The following SMIM36 variants were observed in gnomAD, a reference collection of about 807,000 sequenced individuals.
The protein encoded by SMIM36 is small integral membrane protein 36.
At chr17:55,459,101 C>T (rs921249625) in intron 4 of SMIM36, among the ~76,000 whole-genome samples, 7 of 152,284 alleles carry the variant, frequency 4.6e-5, no homozygotes, top group African/African-American at 9.6e-5. Flanking sequence ...GCCATGGGGT[C>T]GGAGCCCCAC....
At chr17:55,501,366 TATATTATATATTATAGA>T (rs1185641561) in intron 1 of SMIM36, among the ~76,000 whole-genome samples, 2 of 82,948 alleles carry the variant, frequency 2.4e-5, no homozygotes, top group African/African-American at 1.1e-4. Context: ...TAATATATAA[TATATTATATATTATAGA>T]ATATAATATA....
At chr17:55,454,666 AGT>A (rs968739200) in intron 4 of SMIM36, among the ~76,000 whole-genome samples, 4 of 152,252 alleles carry the variant, frequency 2.6e-5, no homozygotes, top group African/African-American at 9.6e-5. Context: ...GCTTTAAAAA[AGT>A]GTGTTATGGG....
At position 55,507,740 on chromosome 17, in the gene SMIM36, A is replaced by G. The variant is rs186707543; in HGVS notation, c.*174+3139T>C. 2.3e-3 allele frequency among the ~76,000 whole-genome samples: 351 copies of G among 151,914 alleles called. 1 individual carries two copies. Among genetic ancestry groups the G allele is most frequent in the African/African-American group, 8.0e-3 (330 of 41,412 alleles). On this transcript the variant is annotated intron_variant, in intron 1 of 4. Coordinates refer to ENST00000636752, the Ensembl canonical transcript of SMIM36. ...ACTTAAAGTATAATAAAAAAAAAAA[A>G]AGAAAAAAAAAGAATGGTAAAAAGA...
chr17:55,489,027 C>T (rs1909656236), intron 1 of SMIM36, among the ~76,000 whole-genome samples: 1 of 152,042 alleles, frequency 6.6e-6, no homozygotes, highest in Non-Finnish European at 1.5e-5. Flanking sequence ...GCGGTAGATA[C>T]CATGGTTATT....
chr17:55,493,154 C>G (rs1053845118), intron 1 of SMIM36, among the ~76,000 whole-genome samples: 3 of 152,216 alleles, frequency 2.0e-5, no homozygotes, highest in African/African-American at 7.2e-5. Flanking sequence ...AGGACAAATC[C>G]TCCTGTCACT....
chr17:55,480,958 G>T (rs1018827992), intron 1 of SMIM36, among the ~76,000 whole-genome samples: 1 of 152,038 alleles, frequency 6.6e-6, no homozygotes, highest in South Asian at 2.1e-4. Flanking sequence ...CTTGAATTTA[G>T]CTGTCTTACA....
chr17:55,511,161 G>A (rs927695939), exon 1 of SMIM36: 22 of 398,528 alleles, frequency 5.5e-5, no homozygotes, highest in Middle Eastern at 6.2e-4. Flanking sequence ...CCACCAACCG[G>A]ATGGAGGGCT....
intron 4 of SMIM36, among the ~76,000 whole-genome samples, chr17:55,464,873 C>G (rs1909208661): frequency 6.6e-6 from 1 of 152,204 alleles, no homozygotes; most frequent in Admixed American, 6.5e-5. Flanking sequence ...CTTGTCTTAA[C>G]ATTGTATCCA....
At chr17:55,469,993 A>C (rs943659992) in intron 3 of SMIM36, among the ~76,000 whole-genome samples, 1 of 150,998 alleles carries the variant, frequency 6.6e-6, no homozygotes, top group Non-Finnish European at 1.5e-5. Context: ...AAAAAAAAAC[A>C]AAAAAAAACC....
chr17:55,471,123 C>T (rs1022602074), intron 3 of SMIM36, among the ~76,000 whole-genome samples: 6 of 152,118 alleles, frequency 3.9e-5, no homozygotes, highest in African/African-American at 1.4e-4. Flanking sequence ...TTGCATCTCT[C>T]CTCCCAGCCT....
intron 1 of SMIM36, among the ~76,000 whole-genome samples, chr17:55,501,381 A>ATTC (rs1909964566): frequency 2.7e-4 from 21 of 77,892 alleles, no homozygotes; most frequent in South Asian, 7.7e-4. Context: ...TATATATTAT[A>ATTC]GAATATAATA....
intron 1 of SMIM36, among the ~76,000 whole-genome samples, chr17:55,486,979 TG>T: frequency 6.6e-6 from 1 of 152,332 alleles, no homozygotes. Context: ...GACCATGTGC[TG>T]GGCACTGAGA....
chr17:55,509,544 C>A (rs554421554), intron 1 of SMIM36, among the ~76,000 whole-genome samples: 2 of 152,294 alleles, frequency 1.3e-5, no homozygotes, highest in East Asian at 3.9e-4. Context: ...GCATCCTATG[C>A]AGACTTCTAA....
chr17:55,507,342 C>T (rs80271114), intron 1 of SMIM36, among the ~76,000 whole-genome samples: 5 of 133,074 alleles, frequency 3.8e-5, no homozygotes, highest in Admixed American at 7.6e-5. Context: ...TGTCCAACAA[C>T]GATAGACTGG....
chr17:55,451,565 T>C (rs1908917883), intron 4 of SMIM36, among the ~76,000 whole-genome samples: 1 of 152,230 alleles, frequency 6.6e-6, no homozygotes, highest in South Asian at 2.1e-4. Flanking sequence ...GAGTGTCTTC[T>C]CTTGTCACTA....
chr17:55,529,043 C>T, the SMIM36 span, among the ~76,000 whole-genome samples: 14 of 152,276 alleles, frequency 9.2e-5, no homozygotes, highest in Middle Eastern at 3.4e-3. Context: ...TTAGTGACCT[C>T]ATATTTTCAG....
At chr17:55,522,441 C>T in the SMIM36 span, among the ~76,000 whole-genome samples, 47 of 152,328 alleles carry the variant, frequency 3.1e-4, no homozygotes, top group African/African-American at 9.4e-4. Flanking sequence ...CACAGTTCCA[C>T]GTGGCTGGGG....
At chr17:55,489,212 T>C (rs1284901736) in intron 1 of SMIM36, among the ~76,000 whole-genome samples, 1 of 152,168 alleles carries the variant, frequency 6.6e-6, no homozygotes, top group African/African-American at 2.4e-5. Flanking sequence ...ACCTTGTCTC[T>C]ACTAAAAATA....
chr17:55,463,335 C>A (rs1054173239), intron 4 of SMIM36, among the ~76,000 whole-genome samples: 1 of 152,058 alleles, frequency 6.6e-6, no homozygotes, highest in African/African-American at 2.4e-5. Flanking sequence ...GGGAAGATTG[C>A]TTGAGCCTAG....
Sources: allele counts gnomAD v4.1 joint callset (sites outside exome capture counted in the v4.1 genomes callset), GRCh38; gene constraint gnomAD v4.1.1; transcripts MANE v1.5; gene names NCBI Gene and HGNC (gene_info 2026-07-23, HGNC 2026-07-21).